OCLN: variants seen among roughly 807,000 people sequenced by gnomAD.
The protein encoded by OCLN is phosphatase 1, regulatory subunit 115.
A neutral mutation model predicts 47.9 loss-of-function variants in OCLN; 21 were observed. The ratio of observed to expected loss-of-function variants is 0.44; its 90% CI spans 0.31 to 0.63. The LOEUF is 0.63. OCLN is among the 30% of genes least tolerant of loss of function. OCLN has a pLI of 0.08. For missense variants in OCLN, 360 were observed against 571.0 expected (o/e 0.63, Z 3.77); for synonymous variants, 117 against 198.4 (o/e 0.59, Z 3.45).
At chr5:69,517,200 C>T (rs932755994) in intron 4 of OCLN, among the ~76,000 whole-genome samples, 3 of 151,944 alleles carry the variant, frequency 2.0e-5, no homozygotes, top group African/African-American at 4.8e-5. Flanking sequence ...AAGGTATGGC[C>T]ACAGGTTCCC....
At chr5:69,495,906 T>G (rs1368793586) in intron 1 of OCLN, among the ~76,000 whole-genome samples, 1 of 152,200 alleles carries the variant, frequency 6.6e-6, no homozygotes, top group African/African-American at 2.4e-5. Context: ...ATCAATGTCC[T>G]TTTTGGATTG....
chr5:69,524,836 G>T (rs1329039809), intron 4 of OCLN, among the ~76,000 whole-genome samples: 1 of 152,142 alleles, frequency 6.6e-6, no homozygotes, highest in Non-Finnish European at 1.5e-5. Flanking sequence ...ATAGGCGTAT[G>T]CCACCACACC....
At chr5:69,514,782 C>A (rs1175848901) in intron 4 of OCLN, among the ~76,000 whole-genome samples, 21 of 152,054 alleles carry the variant, frequency 1.4e-4, no homozygotes, top group East Asian at 3.8e-4. Context: ...TTGCACCACT[C>A]TTAATCCATT....
At chr5:69,524,409 T>A (rs1362834775) in intron 4 of OCLN, among the ~76,000 whole-genome samples, 1 of 152,266 alleles carries the variant, frequency 6.6e-6, no homozygotes, top group African/African-American at 2.4e-5. Context: ...ATTTGCTTTT[T>A]AAGTTTTTAC....
intron 2 of OCLN, among the ~76,000 whole-genome samples, chr5:69,506,444 C>T (rs1289025977): frequency 6.6e-6 from 1 of 152,170 alleles, no homozygotes; most frequent in Non-Finnish European, 1.5e-5. Flanking sequence ...TCTGTGAATT[C>T]GGTCCTTTTG....
Position 69,555,169 on chromosome 5 carries a change from T to C in OCLN, c.*1498T>C, listed in dbSNP as rs577186893. On this transcript the variant is annotated 3_prime_UTR_variant, in exon 9 of 9. Coordinates refer to ENST00000396442, the MANE Select transcript of OCLN (RefSeq NM_001205254.2). ...CAGGTTGGTCTTGAACTCCTGACCT[T>C]GTGGTCTGCCTGCCTCGGCCTCCCA... The C allele has an allele frequency of 9.5e-6, 1 of 104,904 alleles. No individual in the cohort carries two copies. The highest frequency in any genetic ancestry group is 2.7e-5 in the African/African-American group (1 of 37,464). The allele number at this position is 104,904 out of a possible 1,614,324, so 6.5% of individuals were successfully genotyped here.
intron 4 of OCLN, among the ~76,000 whole-genome samples, chr5:69,516,240 A>G (rs142380527): frequency 3.9e-5 from 6 of 152,334 alleles, no homozygotes; most frequent in Admixed American, 1.3e-4. Context: ...TCCGTCTGCA[A>G]TCCCGGCACC....
At chr5:69,505,172 C>T (rs1445756015) in intron 2 of OCLN, among the ~76,000 whole-genome samples, 3 of 152,076 alleles carry the variant, frequency 2.0e-5, no homozygotes, top group Non-Finnish European at 4.4e-5. Context: ...ATCGCTTGAA[C>T]CCAGGAGGCG....
At chr5:69,529,252 T>C (rs1386629226) in intron 4 of OCLN, among the ~76,000 whole-genome samples, 2 of 152,186 alleles carry the variant, frequency 1.3e-5, no homozygotes, top group African/African-American at 4.8e-5. Flanking sequence ...CTGCCCTGTT[T>C]GTTTTCCTGT....
chr5:69,523,238 T>G (rs1769190579), intron 4 of OCLN, among the ~76,000 whole-genome samples: 1 of 152,190 alleles, frequency 6.6e-6, no homozygotes, highest in South Asian at 2.1e-4. Flanking sequence ...TTTCTGAAAT[T>G]TTACAATTTT....
At position 69,513,949 on chromosome 5, in the gene OCLN, C is replaced by T. The variant is rs148494605; in HGVS notation, c.731C>T (p.Ala244Val). 17 of 1,612,296 alleles carry T rather than the reference C, an allele frequency of 1.1e-5. No individual in the cohort carries two copies. The African/African-American group carries it at 2.3e-4, about 22-fold the overall frequency. The change falls in exon 4 of 9, where the codon GCC becomes GTC. Residue 244 changes from alanine (A) to valine (V), a missense_variant and splice_region_variant. By Grantham distance (64) the Ala-to-Val change is moderately conservative. This residue lies in a region of OCLN where 314 missense variants were observed against 368.1 expected (regional missense o/e 0.85). Transcript: ENST00000396442. ...YHYCVVDPQE[A>V]IAIVLGFMII... ...CCAATATTTTCCACTCCTTTTTAGG[C>T]CATTGCCATTGTACTGGGGTTCATG...
chr5:69,527,961 T>G (rs1769327466), intron 4 of OCLN, among the ~76,000 whole-genome samples: 1 of 152,102 alleles, frequency 6.6e-6, no homozygotes, highest in Admixed American at 6.6e-5. Flanking sequence ...CAGCGTGCAG[T>G]TGGGTAGGGG....
At chr5:69,514,272 G>A (rs1768865645) in intron 4 of OCLN, among the ~76,000 whole-genome samples, 163 bp downstream of exon 4, 1 of 152,186 alleles carries the variant, frequency 6.6e-6, no homozygotes, top group South Asian at 2.1e-4. Context: ...GGGCTAAGTG[G>A]AAATGGTTTT....
intron 2 of OCLN, among the ~76,000 whole-genome samples, chr5:69,505,045 T>C (rs1768561354): frequency 6.6e-6 from 1 of 151,460 alleles, no homozygotes; most frequent in South Asian, 2.1e-4. Context: ...AGGTCGGGAG[T>C]TTAAGACCAT....
intron 3 of OCLN, 112 bp downstream of exon 3, chr5:69,509,931 C>T (rs1561335733): frequency 2.4e-6 from 2 of 836,026 alleles, no homozygotes; most frequent in Non-Finnish European, 2.0e-6. Flanking sequence ...GACAAGGCTC[C>T]ACTTCTAATT....
chr5:69,496,188 T>C (rs1768283114), intron 1 of OCLN, among the ~76,000 whole-genome samples: 1 of 151,508 alleles, frequency 6.6e-6, no homozygotes, highest in Non-Finnish European at 1.5e-5. Context: ...AAGCTCCGCC[T>C]CCCGGGTTCA....
chr5:69,520,782 T>G (rs965118718), intron 4 of OCLN, among the ~76,000 whole-genome samples: 1 of 152,164 alleles, frequency 6.6e-6, no homozygotes, highest in Non-Finnish European at 1.5e-5. Flanking sequence ...TTGTTAATAT[T>G]TGTAAAATAC....
intron 4 of OCLN, among the ~76,000 whole-genome samples, chr5:69,517,079 A>G (rs2112007245): frequency 6.6e-6 from 1 of 152,104 alleles, no homozygotes; most frequent in South Asian, 2.1e-4. Flanking sequence ...ATAAAAATGA[A>G]AAGATGTTTG....
At chr5:69,508,816 T>C (rs1388696907) in intron 2 of OCLN, among the ~76,000 whole-genome samples, 3 of 152,218 alleles carry the variant, frequency 2.0e-5, no homozygotes, top group African/African-American at 7.2e-5. Flanking sequence ...AAGTTGAAGA[T>C]ATAAAAATAT....
Sources: gnomAD v4.1 joint callset for allele counts (sites outside exome capture counted in the v4.1 genomes callset) on GRCh38, gnomAD v4.1.1 for gene constraint, gnomAD v4.1.1 regional missense constraint, MANE v1.5 for transcripts, NCBI Gene and HGNC (gene_info 2026-07-23, HGNC 2026-07-21) for gene names.